Variants in RALGPS2 observed in about 807,000 individuals in gnomAD.
The protein encoded by RALGPS2 is ras-specific guanine nucleotide-releasing factor RalGPS2.
A neutral mutation model predicts 86.8 loss-of-function variants in RALGPS2; 43 were observed. The observed-to-expected ratio is 0.50, with a 90% CI of 0.39 to 0.64. The LOEUF (loss-of-function observed/expected upper bound fraction) is 0.64, where lower values mean the gene tolerates loss of function less well. Ranked by LOEUF, RALGPS2 falls within the 30% of genes least tolerant of loss-of-function variation. RALGPS2 has a pLI of 0.00. For missense variants in RALGPS2, 536 were observed against 694.6 expected, an observed-to-expected ratio of 0.77 and a Z score of 2.57; for synonymous variants, 243 against 231.3, an observed-to-expected ratio of 1.05 and a Z score of -0.46.
intron 19 of RALGPS2, among the ~76,000 whole-genome samples, chr1:178,909,637 T>A (rs2102416710): frequency 6.8e-6 from 1 of 146,148 alleles, no homozygotes; most frequent in African/African-American, 2.6e-5. Flanking sequence ...CTCTTTTTCT[T>A]TTTTAATTTT....
chr1:178,727,242 T>C (rs75165618), intron 1 of RALGPS2, among the ~76,000 whole-genome samples: 4 of 151,890 alleles, frequency 2.6e-5, no homozygotes, highest in African/African-American at 7.3e-5. Flanking sequence ...TTTTTTTTTT[T>C]CCTTTTAAGA....
At chr1:178,757,430 T>A (rs531186577) in intron 1 of RALGPS2, among the ~76,000 whole-genome samples, 1 of 152,332 alleles carries the variant, frequency 6.6e-6, no homozygotes, top group East Asian at 1.9e-4. Context: ...TGTGGGTTTG[T>A]CATAGATGGC....
rs983034531 is a variant in RALGPS2, at chr1:178,782,651, C to G, written c.58-1767C>G. Among the ~76,000 whole-genome samples, 9 of 152,060 alleles carry G rather than the reference C, an allele frequency of 5.9e-5. No individual in the cohort carries two copies. In the South Asian group the frequency reaches 1.7e-3, roughly 28 times the overall value. On this transcript the variant is annotated intron_variant, in intron 2 of 19. Transcript: ENST00000367635. ...ATAGGGCACTCCCCCCCAGCAACCC[C>G]TCAAATACACACACACACCCTGCCT...
At position 178,844,586 on chromosome 1, in the gene RALGPS2, A is replaced by G. The variant is rs557953415; in HGVS notation, c.607+11036A>G. On this transcript the variant is annotated intron_variant, in intron 8 of 19. Transcript: ENST00000367635. Reference sequence around the variant, plus strand: ...TGAAAAATTCTTAGAATAAGGATATAATTTGTCTAGAGAGGAATAGTTGGC... The same window carrying G: ...TGAAAAATTCTTAGAATAAGGATATGATTTGTCTAGAGAGGAATAGTTGGC... 8.5e-5 allele frequency among the ~76,000 whole-genome samples: 13 copies of G among 152,318 alleles called. No homozygotes were observed. In the South Asian group the frequency reaches 2.7e-3, roughly 32 times the overall value.
intron 17 of RALGPS2, among the ~76,000 whole-genome samples, chr1:178,900,263 T>G (rs1660112249): frequency 6.6e-6 from 1 of 151,984 alleles, no homozygotes; most frequent in African/African-American, 2.4e-5. Flanking sequence ...TCTGTATACC[T>G]TATTTTAGTA....
At chr1:178,877,758 T>A in intron 9 of RALGPS2, 123 bp downstream of exon 9, 1 of 1,187,434 alleles carries the variant, frequency 8.4e-7, no homozygotes, top group Non-Finnish European at 1.2e-6. Context: ...CATTCTAATG[T>A]AAAGGAAAAT....
At chr1:178,820,765 A>G (rs1655458665) in intron 6 of RALGPS2, among the ~76,000 whole-genome samples, 1 of 152,158 alleles carries the variant, frequency 6.6e-6, no homozygotes, top group African/African-American at 2.4e-5. Flanking sequence ...TTTTCCAGTT[A>G]GATTATATAA....
At chr1:178,904,156 G>C (rs1430074816) in intron 18 of RALGPS2, among the ~76,000 whole-genome samples, 2 of 151,860 alleles carry the variant, frequency 1.3e-5, no homozygotes, top group Admixed American at 6.6e-5. Context: ...ATCTTCTTTT[G>C]AGAATTGTCT....
chr1:178,883,430 T>A lies in RALGPS2; in HGVS notation c.837-36T>A, dbSNP rs147440332. ...TAATCTTATTTTGTCAAATGTTAAT[T>A]AATCATTGTATGTATTTTGTCTTTT... is the stretch of plus-strand genomic sequence containing the variant. On this transcript the variant is annotated intron_variant, in intron 10 of 19. Coordinates refer to ENST00000367635, the MANE Select transcript of RALGPS2 (RefSeq NM_152663.5). 4.5e-4 allele frequency: 654 copies of A among 1,446,420 alleles called. 3 individuals are homozygous for A. In the African/African-American group the frequency reaches 8.2e-3, roughly 18 times the overall value. The allele number at this position is 1,446,420 out of a possible 1,614,324, so 89.6% of individuals were successfully genotyped here.
At chr1:178,743,077 C>T (rs1651123184) in intron 1 of RALGPS2, among the ~76,000 whole-genome samples, 2 of 152,088 alleles carry the variant, frequency 1.3e-5, no homozygotes, top group Non-Finnish European at 2.9e-5. Flanking sequence ...AAAAAATTAG[C>T]CAGACATGGT....
chr1:178,851,284 A>T, intron 8 of RALGPS2: 1 of 1,611,808 alleles, frequency 6.2e-7, no homozygotes, highest in Non-Finnish European at 8.5e-7. Flanking sequence ...GCATTGTACC[A>T]CCAGCCTCCT....
At chr1:178,784,023 G>A (rs1278030838) in intron 2 of RALGPS2, among the ~76,000 whole-genome samples, 4 of 152,052 alleles carry the variant, frequency 2.6e-5, no homozygotes, top group African/African-American at 9.7e-5. Context: ...TTGTTATAAA[G>A]CTAGTTTGTC....
At chr1:178,904,756 G>A (rs559907397) in intron 18 of RALGPS2, among the ~76,000 whole-genome samples, 3 of 152,110 alleles carry the variant, frequency 2.0e-5, no homozygotes, top group Non-Finnish European at 4.4e-5. Context: ...GTGGCCTTAC[G>A]GTATAGTTTG....
chr1:178,745,670 C>G (rs1651275790), intron 1 of RALGPS2, among the ~76,000 whole-genome samples: 1 of 152,086 alleles, frequency 6.6e-6, no homozygotes. Flanking sequence ...AAATTACAAA[C>G]TTTTGGCAAA....
chr1:178,894,730 A>C (rs1021892139), intron 16 of RALGPS2, among the ~76,000 whole-genome samples: 1 of 152,058 alleles, frequency 6.6e-6, no homozygotes, highest in African/African-American at 2.4e-5. Context: ...AATATTGTAC[A>C]CATTTGTTTC....
intron 8 of RALGPS2, among the ~76,000 whole-genome samples, chr1:178,867,671 T>C (rs1201580132): frequency 5.9e-5 from 9 of 152,040 alleles, no homozygotes; most frequent in Non-Finnish European, 2.9e-5. Flanking sequence ...TATGCAAAAG[T>C]ATTTATGGAT....
chr1:178,866,061 A>G (rs1032774219), intron 8 of RALGPS2, among the ~76,000 whole-genome samples: 5 of 152,140 alleles, frequency 3.3e-5, no homozygotes, highest in African/African-American at 1.2e-4. Flanking sequence ...TCCCCAGTTT[A>G]TTGAGCAGAT....
intron 8 of RALGPS2, 29 bp downstream of exon 8, chr1:178,833,579 T>C (rs750335908): frequency 2.0e-6 from 3 of 1,518,322 alleles, no homozygotes; most frequent in Non-Finnish European, 2.6e-6. Context: ...TGTTTTTTGT[T>C]TCTAGTTGTT....
chr1:178,893,879 A>G (rs1437208216), intron 15 of RALGPS2, 40 bp from the exon 16 acceptor site: 17 of 1,325,596 alleles, frequency 1.3e-5, no homozygotes, highest in Non-Finnish European at 1.8e-5. Flanking sequence ...TGACTATTGT[A>G]GACAAAAGCT....
Sources: gnomAD v4.1 joint callset for allele counts (sites outside exome capture counted in the v4.1 genomes callset) on GRCh38, gnomAD v4.1.1 for gene constraint, MANE v1.5 for transcripts, NCBI Gene and HGNC (gene_info 2026-07-23, HGNC 2026-07-21) for gene names.